The following SEMA3E variants were observed in gnomAD, a reference collection of about 807,000 sequenced individuals.
SEMA3E encodes semaphorin-3E.
SEMA3E carries 49 observed loss-of-function variants against 93.6 expected under a neutral mutation model. The observed-to-expected ratio is 0.52, with a 90% CI of 0.42 to 0.66. SEMA3E has a LOEUF of 0.66. SEMA3E is among the 30% of genes least tolerant of loss of function. SEMA3E has a pLI of 0.00. For synonymous variants in SEMA3E, 363 were observed against 330.7 expected, an observed-to-expected ratio of 1.10 and a Z score of -1.06; for missense variants, 906 against 964.8, an observed-to-expected ratio of 0.94 and a Z score of 0.81.
chr7:83,608,878 G>A (rs1260687149), intron 1 of SEMA3E, among the ~76,000 whole-genome samples: 4 of 152,066 alleles, frequency 2.6e-5, no homozygotes, highest in African/African-American at 9.7e-5. Context: ...TTGTTTGAGA[G>A]ATGTGAGAAA....
At chr7:83,492,139 G>T (rs1393429833) in intron 1 of SEMA3E, among the ~76,000 whole-genome samples, 1 of 151,982 alleles carries the variant, frequency 6.6e-6, no homozygotes, top group Non-Finnish European at 1.5e-5. Flanking sequence ...GGATGGTTAC[G>T]CACTAGCTTG....
chr7:83,550,886 G>C (rs1791750343), intron 1 of SEMA3E, among the ~76,000 whole-genome samples: 1 of 151,992 alleles, frequency 6.6e-6, no homozygotes, highest in African/African-American at 2.4e-5. Flanking sequence ...AATATGATTA[G>C]ACTTTCACAA....
At chr7:83,616,070 C>T (rs2115604750) in intron 1 of SEMA3E, among the ~76,000 whole-genome samples, 1 of 151,832 alleles carries the variant, frequency 6.6e-6, no homozygotes, top group African/African-American at 2.4e-5. Flanking sequence ...AGCTAGATAA[C>T]CCGTTGGGGT....
intron 1 of SEMA3E, among the ~76,000 whole-genome samples, chr7:83,620,856 G>A (rs1352572083): frequency 6.6e-6 from 1 of 151,946 alleles, no homozygotes; most frequent in African/African-American, 2.4e-5. Context: ...AAAATTATAA[G>A]AGCCACATAT....
At chr7:83,452,131 ATG>A (rs67605953) in intron 4 of SEMA3E, among the ~76,000 whole-genome samples, 99,592 of 151,342 alleles carry the variant, frequency 0.66, 34,776 homozygotes, top group East Asian at 0.98. Flanking sequence ...ATGTGTATGT[ATG>A]TGTGTGTGTG....
chr7:83,453,974 T>C (rs1193830023), intron 4 of SEMA3E, among the ~76,000 whole-genome samples: 2 of 151,834 alleles, frequency 1.3e-5, no homozygotes, highest in African/African-American at 4.8e-5. Flanking sequence ...AAAGATAATT[T>C]TGGGCCGGGC....
intron 16 of SEMA3E, chr7:83,372,009 T>G: frequency 2.9e-6 from 1 of 346,748 alleles, no homozygotes; most frequent in East Asian, 4.3e-5. Flanking sequence ...TATAAGTTTT[T>G]AAAGGGCAAA....
At chr7:83,460,283 T>A (rs554791275) in intron 4 of SEMA3E, among the ~76,000 whole-genome samples, 2 of 152,200 alleles carry the variant, frequency 1.3e-5, no homozygotes, top group East Asian at 3.9e-4. Flanking sequence ...AGCCTCTTCT[T>A]ACTCTCTTCT....
In SEMA3E at chr7:83,366,023, T is replaced by A. The variant is rs886696504; in HGVS notation, c.*1563A>T. ...TTTCAGTATATTTGCATTTCTTAGA[T>A]CTTTTGAAGCATGGTGACTTATCTG... is the stretch of plus-strand genomic sequence containing the variant. On this transcript the variant is annotated 3_prime_UTR_variant, in exon 17 of 17. Coordinates refer to ENST00000643230, the MANE Select transcript of SEMA3E (RefSeq NM_012431.3). The A allele has an allele frequency of 3.3e-5, 5 of 152,152 alleles. No homozygotes were observed. The highest frequency in any genetic ancestry group is 2.6e-4 in the Admixed American group (4 of 15,278). The allele number at this position is 152,152 out of a possible 1,614,324, so 9.4% of individuals were successfully genotyped here.
At chr7:83,592,717 C>G (rs573743171) in intron 1 of SEMA3E, among the ~76,000 whole-genome samples, 272 of 151,952 alleles carry the variant, frequency 1.8e-3, no homozygotes, top group Non-Finnish European at 2.9e-3. Context: ...ACCAAATTTG[C>G]GAGTAATTGC....
intron 14 of SEMA3E, among the ~76,000 whole-genome samples, chr7:83,389,365 C>G (rs763619518): frequency 1.6e-5 from 2 of 124,400 alleles, no homozygotes; most frequent in Admixed American, 1.7e-4. Context: ...TCCACTTGGC[C>G]GAGATGGTGT....
chr7:83,491,386 G>T (rs1584285779), intron 1 of SEMA3E, among the ~76,000 whole-genome samples: 1 of 150,634 alleles, frequency 6.6e-6, no homozygotes, highest in East Asian at 2.0e-4. Flanking sequence ...AAAAGTATCT[G>T]TTCCTCTGTA....
Position 83,490,429 on chromosome 7 carries a change from A to T in SEMA3E, c.116-155T>A, listed in dbSNP as rs557648183. The stretch of plus-strand genomic sequence containing the variant: ...CTGGCAAAGAATTTTAATGTGCACA[A>T]GTTAAAATATTTCATAAATTTATGA... On this transcript the variant is annotated intron_variant, in intron 1 of 16. Transcript: ENST00000643230. Among the ~76,000 whole-genome samples, 19 of 152,236 alleles carry T rather than the reference A, an allele frequency of 1.2e-4. No homozygotes were observed. In the South Asian group the frequency reaches 3.7e-3, roughly 30 times the overall value.
chr7:83,581,194 C>T (rs1253736699), intron 1 of SEMA3E, among the ~76,000 whole-genome samples: 1 of 151,930 alleles, frequency 6.6e-6, no homozygotes, highest in East Asian at 1.9e-4. Context: ...ATCCTTAACT[C>T]CTCATAGGTC....
At chr7:83,476,834 G>A (rs1790021362) in intron 2 of SEMA3E, among the ~76,000 whole-genome samples, 2 of 152,098 alleles carry the variant, frequency 1.3e-5, no homozygotes, top group Admixed American at 6.6e-5. Context: ...GGTATAATGT[G>A]ATTTCCAAAA....
At chr7:83,616,671 G>A (rs1793372921) in intron 1 of SEMA3E, 1 of 451,150 alleles carries the variant, frequency 2.2e-6, no homozygotes, top group African/African-American at 2.0e-5. Flanking sequence ...AGTTGTGAAG[G>A]CCCAGATGAG....
intron 16 of SEMA3E, 96 bp downstream of exon 16, chr7:83,385,198 G>A (rs1787853397): frequency 7.3e-7 from 1 of 1,376,088 alleles, no homozygotes. Flanking sequence ...TAGTACAACA[G>A]CTAGCTTCAT....
intron 1 of SEMA3E, among the ~76,000 whole-genome samples, chr7:83,573,294 T>A (rs1004015421): frequency 1.3e-5 from 2 of 152,166 alleles, no homozygotes; most frequent in African/African-American, 4.8e-5. Flanking sequence ...TTATTTATTA[T>A]GATTTTGTCA....
chr7:83,501,347 G>A (rs1002500742), intron 1 of SEMA3E, among the ~76,000 whole-genome samples: 3 of 152,068 alleles, frequency 2.0e-5, no homozygotes, highest in African/African-American at 4.8e-5. Flanking sequence ...AATACATTTC[G>A]GTTTTATCTC....
Sources: allele counts gnomAD v4.1 joint callset (sites outside exome capture counted in the v4.1 genomes callset), GRCh38; gene constraint gnomAD v4.1.1; transcripts MANE v1.5; gene names NCBI Gene and HGNC (gene_info 2026-07-23, HGNC 2026-07-21).